Variants in SLC7A2 observed in about 807,000 individuals in gnomAD.
SLC7A2 encodes solute carrier family 7 member 2, also known as cationic amino acid transporter 2.
SLC7A2 carries 48 observed loss-of-function variants against 58.9 expected under a neutral mutation model. That is an observed-to-expected ratio of 0.82 (90% CI 0.65 to 1.04). The LOEUF is 1.04. Ranked by LOEUF, SLC7A2 falls within the 50% of genes least tolerant of loss-of-function variation. The pLI, the probability that SLC7A2 is intolerant of heterozygous loss-of-function variation, is 0.00. For synonymous variants in SLC7A2, 363 were observed against 314.5 expected (o/e 1.15, Z -1.63); for missense variants, 1,029 against 818.8 (o/e 1.26, Z -3.13).
At chr8:17,509,566 A>G (rs1346575062) in intron 2 of SLC7A2, among the ~76,000 whole-genome samples, 2 of 152,100 alleles carry the variant, frequency 1.3e-5, no homozygotes, top group African/African-American at 4.8e-5. Flanking sequence ...TTGGCCTCCC[A>G]AAGTGCTGGG....
chr8:17,511,747 G>C (rs951394228), intron 2 of SLC7A2, among the ~76,000 whole-genome samples: 16 of 151,988 alleles, frequency 1.1e-4, no homozygotes, highest in African/African-American at 3.9e-4. Flanking sequence ...AATAAACTGG[G>C]GGCTTTACAA....
upstream of SLC7A2, among the ~76,000 whole-genome samples, chr8:17,495,502 A>G (rs1799935228): frequency 6.6e-6 from 1 of 152,170 alleles, no homozygotes; most frequent in South Asian, 2.1e-4. Context: ...GGTCTATCAG[A>G]TAATATCTTC....
At chr8:17,496,089 T>C (rs528072043), upstream of SLC7A2, among the ~76,000 whole-genome samples, 2 of 152,312 alleles carry the variant, frequency 1.3e-5, no homozygotes, top group Admixed American at 6.5e-5. Context: ...AAAGGGACGT[T>C]TACTCCAATA....
At chr8:17,564,126 G>A (rs73196200) in intron 12 of SLC7A2, among the ~76,000 whole-genome samples, 18 of 152,176 alleles carry the variant, frequency 1.2e-4, no homozygotes, top group African/African-American at 4.1e-4. Context: ...TTTGCATACA[G>A]TTCTTCGGAC....
chr8:17,504,318 C>G (rs1585178348), intron 2 of SLC7A2, among the ~76,000 whole-genome samples: 1 of 152,176 alleles, frequency 6.6e-6, no homozygotes, highest in Non-Finnish European at 1.5e-5. Flanking sequence ...TCCTGGACCA[C>G]TGGTCAGTTT....
rs1803373421 is a variant in SLC7A2 at position 17,568,596 on chromosome 8, T to A, written c.*3450T>A. 2 of 152,154 alleles carry A rather than the reference T, an allele frequency of 1.3e-5. No homozygotes were observed. The highest frequency in any genetic ancestry group is 4.8e-5 in the African/African-American group (2 of 41,450). 9.4% of individuals were successfully genotyped at this position (152,154 alleles called of 1,614,324 possible). On this transcript the variant is annotated 3_prime_UTR_variant, in exon 13 of 13. Transcript: ENST00000494857. Reference sequence around the variant, plus strand: ...AATTTCTATGAATAAAAGAAATTTTTAAAAACTTTAAAATTTTAAATATTA... The same window carrying A: ...AATTTCTATGAATAAAAGAAATTTTAAAAAACTTTAAAATTTTAAATATTA...
intron 1 of SLC7A2, among the ~76,000 whole-genome samples, chr8:17,500,797 C>G (rs1414166118): frequency 1.4e-5 from 1 of 72,132 alleles, no homozygotes; most frequent in African/African-American, 6.7e-5. Context: ...TCAACACACA[C>G]ATACACACAC....
At chr8:17,541,527 A>AT (rs1192884520) in intron 2 of SLC7A2, among the ~76,000 whole-genome samples, 1 of 152,132 alleles carries the variant, frequency 6.6e-6, no homozygotes, top group Non-Finnish European at 1.5e-5. Context: ...CGTGTCCTCT[A>AT]TTTTTTATTT....
chr8:17,522,099 T>C lies in SLC7A2; in HGVS notation c.-23+19797T>C, dbSNP rs147742243. ...GCTGCTGATAAAGACGTACCCAAGA[T>C]TGGATAATTTATTTTAAAAAAGTTT... On this transcript the variant is annotated intron_variant, in intron 2 of 12. Transcript: ENST00000494857. 2.6e-4 allele frequency among the ~76,000 whole-genome samples: 39 copies of C among 152,216 alleles called. 1 individual carries two copies. In the East Asian group the frequency reaches 6.8e-3, roughly 26 times the overall value.
chr8:17,564,082 C>G (rs1449235918), intron 12 of SLC7A2, among the ~76,000 whole-genome samples: 1 of 152,204 alleles, frequency 6.6e-6, no homozygotes, highest in Non-Finnish European at 1.5e-5. Flanking sequence ...TCCTGATCCC[C>G]ACACAGTCAG....
intron 2 of SLC7A2, among the ~76,000 whole-genome samples, chr8:17,534,405 C>T (rs1441118254): frequency 1.3e-5 from 2 of 152,120 alleles, no homozygotes; most frequent in Admixed American, 6.5e-5. Context: ...GTCATCACAA[C>T]GGATAACCAC....
intron 2 of SLC7A2, among the ~76,000 whole-genome samples, chr8:17,503,859 A>T (rs2150646723): frequency 6.6e-6 from 1 of 152,296 alleles, no homozygotes; most frequent in Non-Finnish European, 1.5e-5. Context: ...TTCAGTTGTG[A>T]TTTAAGCAAT....
chr8:17,538,676 G>A (rs995399678), intron 2 of SLC7A2: 12 of 761,884 alleles, frequency 1.6e-5, no homozygotes, highest in Non-Finnish European at 2.4e-5. Flanking sequence ...TTGTAGAAAC[G>A]TTGGGTTTGG....
At chr8:17,532,050 A>C (rs774361726) in intron 2 of SLC7A2, among the ~76,000 whole-genome samples, 1 of 151,806 alleles carries the variant, frequency 6.6e-6, no homozygotes, top group Non-Finnish European at 1.5e-5. Context: ...CAACGTGGTG[A>C]AACCCCATCT....
At chr8:17,506,245 C>T (rs201570061) in intron 2 of SLC7A2, among the ~76,000 whole-genome samples, 2 of 152,166 alleles carry the variant, frequency 1.3e-5, no homozygotes, top group Admixed American at 1.3e-4. Flanking sequence ...AAAACAAGTG[C>T]TGGGCTGGTG....
chr8:17,562,791 T>C (rs554953085), intron 11 of SLC7A2, among the ~76,000 whole-genome samples: 48 of 152,242 alleles, frequency 3.2e-4, no homozygotes, highest in African/African-American at 1.1e-3. Flanking sequence ...GTAGGGTGAG[T>C]ATTTTGTTTT....
At chr8:17,557,013 T>C (rs1802738432) in intron 8 of SLC7A2, among the ~76,000 whole-genome samples, 1 of 152,170 alleles carries the variant, frequency 6.6e-6, no homozygotes, top group African/African-American at 2.4e-5. Context: ...CGACGGGTAG[T>C]CGTGGCCTTG....
chr8:17,551,800 T>G lies in SLC7A2; in HGVS notation c.869T>G (p.Ile290Ser), dbSNP rs769010170. The G allele has an allele frequency of 2.5e-6, 4 of 1,613,866 alleles. No homozygotes were observed. In the African/African-American group the frequency reaches 4.0e-5, roughly 16 times the overall value. Residue 290 changes from isoleucine to serine, a missense_variant, in exon 7 of 13, where the codon ATT becomes AGT. Physicochemically the swap from Ile to Ser is moderately radical, Grantham distance 142 (BLOSUM62 -2). Transcript: ENST00000494857. ...EVRNPQKAIP[I>S]GIVTSLLVCF... ...CGGAATCCCCAGAAAGCTATTCCCA[T>G]TGGAATTGTGACGTCTTTGCTTGTT...
intron 2 of SLC7A2, among the ~76,000 whole-genome samples, chr8:17,525,833 G>A (rs1275595469): frequency 6.6e-6 from 1 of 152,138 alleles, no homozygotes; most frequent in Non-Finnish European, 1.5e-5. Flanking sequence ...CTTGGTCTTT[G>A]GTGATGTAAG....
Sources: allele counts gnomAD v4.1 joint callset (sites outside exome capture counted in the v4.1 genomes callset), GRCh38; gene constraint gnomAD v4.1.1; transcripts MANE v1.5; gene names NCBI Gene and HGNC (gene_info 2026-07-23, HGNC 2026-07-21).